Variants in KLHL29 observed in about 807,000 individuals in gnomAD.
The protein encoded by KLHL29 is kelch like family member 29.
Under a neutral mutation model 80.4 loss-of-function variants are expected in KLHL29, and 21 were observed. That is an observed-to-expected ratio of 0.26 (90% CI 0.19 to 0.38). The LOEUF is 0.38. Ranked by LOEUF, KLHL29 falls within the 10% of genes least tolerant of loss-of-function variation. The pLI, the probability that KLHL29 is intolerant of heterozygous loss-of-function variation, is 1.00. For synonymous variants in KLHL29, 511 were observed against 526.8 expected (o/e 0.97, Z 0.41); for missense variants, 867 against 1,223.9 (o/e 0.71, Z 4.35).
chr2:23,440,720 A>G (rs546231491), intron 1 of KLHL29, among the ~76,000 whole-genome samples: 6 of 152,298 alleles, frequency 3.9e-5, no homozygotes, highest in African/African-American at 1.2e-4. Context: ...CAAAAGACAC[A>G]TGAAAAAATG....
chr2:23,583,099 C>T (rs1049571559), intron 3 of KLHL29, among the ~76,000 whole-genome samples: 1 of 152,204 alleles, frequency 6.6e-6, no homozygotes, highest in Admixed American at 6.5e-5. Flanking sequence ...AGGCAAAGGA[C>T]CCTCCCCTGG....
In KLHL29 at chr2:23,521,726, G is replaced by A. The variant is rs148870042; in HGVS notation, c.-45-40426G>A. On this transcript the variant is annotated intron_variant, in intron 2 of 13. Coordinates refer to ENST00000486442, the MANE Select transcript of KLHL29 (RefSeq NM_052920.2). Reference sequence around the variant, plus strand: ...GGAAACAGAGGCTCAGTTTCAGCACGTTGTTCAATAGACTGCAGCCAGATG... The same window carrying A: ...GGAAACAGAGGCTCAGTTTCAGCACATTGTTCAATAGACTGCAGCCAGATG... Among the ~76,000 whole-genome samples, 391 of 152,312 alleles carry A rather than the reference G, an allele frequency of 2.6e-3. 3 individuals carry two copies. The highest frequency in any genetic ancestry group is 9.0e-3 in the African/African-American group (375 of 41,564).
chr2:23,483,268 G>A (rs1664848360), intron 2 of KLHL29, among the ~76,000 whole-genome samples: 1 of 152,192 alleles, frequency 6.6e-6, no homozygotes. Context: ...GTTAAAGCTG[G>A]AAATTGAAAC....
chr2:23,451,700 T>C (rs1663883218), intron 1 of KLHL29, among the ~76,000 whole-genome samples: 1 of 152,210 alleles, frequency 6.6e-6, no homozygotes, highest in Non-Finnish European at 1.5e-5. Context: ...ATTAGTCCAT[T>C]TTACTCCTCA....
At chr2:23,477,412 C>G (rs1358453397) in intron 2 of KLHL29, among the ~76,000 whole-genome samples, 1 of 152,270 alleles carries the variant, frequency 6.6e-6, no homozygotes, top group African/African-American at 2.4e-5. Flanking sequence ...GCTTTGGAAT[C>G]TCAGGCTAGG....
intron 5 of KLHL29, among the ~76,000 whole-genome samples, chr2:23,683,029 C>G (rs1671135479): frequency 6.6e-6 from 1 of 152,238 alleles, no homozygotes; most frequent in Non-Finnish European, 1.5e-5. Flanking sequence ...AAAGGGCCTG[C>G]CTGGCAATCA....
At chr2:23,461,805 A>T (rs1664216879) in intron 1 of KLHL29, among the ~76,000 whole-genome samples, 1 of 152,030 alleles carries the variant, frequency 6.6e-6, no homozygotes, top group East Asian at 1.9e-4. Context: ...ATCGTTAGCC[A>T]GCGATGATCC....
At chr2:23,413,393 T>C (rs185923100) in intron 1 of KLHL29, among the ~76,000 whole-genome samples, 4 of 152,300 alleles carry the variant, frequency 2.6e-5, no homozygotes, top group Non-Finnish European at 4.4e-5. Context: ...TGCAGACCCA[T>C]GGACACGGGT....
At chr2:23,530,732 C>T (rs1666464227) in intron 2 of KLHL29, among the ~76,000 whole-genome samples, 1 of 152,152 alleles carries the variant, frequency 6.6e-6, no homozygotes. Context: ...CCAGCCCATC[C>T]CCTGCCCCCG....
chr2:23,446,698 C>G (rs1558341501), intron 1 of KLHL29, among the ~76,000 whole-genome samples: 1 of 152,202 alleles, frequency 6.6e-6, no homozygotes, highest in Non-Finnish European at 1.5e-5. Context: ...GTTGAGAATT[C>G]ACTACATCAT....
chr2:23,492,908 C>G (rs530250808), intron 2 of KLHL29, among the ~76,000 whole-genome samples: 8 of 152,114 alleles, frequency 5.3e-5, no homozygotes, highest in African/African-American at 1.9e-4. Flanking sequence ...AGGAAAGGCA[C>G]GGGTGTCTGA....
chr2:23,645,967 C>T (rs2149160935), intron 5 of KLHL29, among the ~76,000 whole-genome samples: 1 of 152,240 alleles, frequency 6.6e-6, no homozygotes, highest in South Asian at 2.1e-4. Flanking sequence ...GCATTGAGCA[C>T]ATATAGATTT....
chr2:23,480,317 T>G (rs1664760007), intron 2 of KLHL29, among the ~76,000 whole-genome samples: 2 of 152,090 alleles, frequency 1.3e-5, no homozygotes, highest in African/African-American at 4.8e-5. Flanking sequence ...TGAAACCCCA[T>G]CTCTACTATA....
chr2:23,460,115 T>G (rs1000089804), intron 1 of KLHL29, among the ~76,000 whole-genome samples: 28 of 152,252 alleles, frequency 1.8e-4, no homozygotes, highest in African/African-American at 5.5e-4. Context: ...CATTTATTCA[T>G]TACTTGATCC....
intron 3 of KLHL29, among the ~76,000 whole-genome samples, chr2:23,574,808 A>T (rs937803064): frequency 1.3e-5 from 2 of 152,220 alleles, no homozygotes; most frequent in African/African-American, 4.8e-5. Context: ...AAATTCAGGG[A>T]CAGCTGACCC....
At chr2:23,448,867 T>A (rs1299894041) in intron 1 of KLHL29, among the ~76,000 whole-genome samples, 1 of 152,130 alleles carries the variant, frequency 6.6e-6, no homozygotes, top group Admixed American at 6.5e-5. Context: ...TCAAAGCATA[T>A]GCAAACACGT....
At chr2:23,564,019 C>T (rs549390987) in intron 3 of KLHL29, among the ~76,000 whole-genome samples, 16 of 152,348 alleles carry the variant, frequency 1.1e-4, no homozygotes, top group African/African-American at 2.9e-4. Context: ...ATCTGGCAGG[C>T]GCTCTGCAGG....
intron 2 of KLHL29, among the ~76,000 whole-genome samples, chr2:23,526,570 G>A (rs1040358570): frequency 6.6e-6 from 1 of 152,208 alleles, no homozygotes; most frequent in Non-Finnish European, 1.5e-5. Context: ...GAGGAGCCTA[G>A]TGGGCTGGTG....
rs187086616 is a variant in KLHL29 at position 23,504,099 on chromosome 2, T to C, written c.-46+28432T>C. On this transcript the variant is annotated intron_variant, in intron 2 of 13. Transcript: ENST00000486442. Reference sequence around the variant, plus strand: ...AGTGACAGCTCAGGCCAGTAATGGGTATTCTTGAGAGCAATCCCAGGTCAT... The same window carrying C: ...AGTGACAGCTCAGGCCAGTAATGGGCATTCTTGAGAGCAATCCCAGGTCAT... 4.0e-3 allele frequency among the ~76,000 whole-genome samples: 606 copies of C among 152,168 alleles called. 3 individuals are homozygous for C. The highest frequency in any genetic ancestry group is 6.7e-3 in the Non-Finnish European group (457 of 67,998).
Sources: allele counts gnomAD v4.1 joint callset (sites outside exome capture counted in the v4.1 genomes callset), GRCh38; gene constraint gnomAD v4.1.1; transcripts MANE v1.5; gene names NCBI Gene and HGNC (gene_info 2026-07-23, HGNC 2026-07-21).